Variants in HTR1D observed in about 807,000 individuals in gnomAD.
The protein encoded by HTR1D is 5-hydroxytryptamine receptor 1D.
A neutral mutation model predicts 21.1 loss-of-function variants in HTR1D; 18 were observed. The ratio of observed to expected loss-of-function variants is 0.85; its 90% CI spans 0.59 to 1.27. The LOEUF is 1.27. HTR1D is among the 50% of genes most tolerant of loss of function. HTR1D has a pLI of 0.00. For synonymous variants in HTR1D, 196 were observed against 204.4 expected (o/e 0.96, Z 0.35); for missense variants, 456 against 481.4 (o/e 0.95, Z 0.49).
intron 1 of HTR1D, among the ~76,000 whole-genome samples, chr1:23,215,562 A>G (rs940890485): frequency 6.6e-6 from 1 of 152,252 alleles, no homozygotes; most frequent in East Asian, 1.9e-4. Context: ...TGGGAACTCC[A>G]TACTCTGAGA....
At position 23,194,170 on chromosome 1, in the gene HTR1D, T is replaced by C. The variant is rs751782598; in HGVS notation, c.50A>G (p.Asn17Ser). 2.5e-6 allele frequency: 4 copies of C among 1,614,044 alleles called. No individual in the cohort carries two copies. In the South Asian group the frequency reaches 3.3e-5, roughly 13 times the overall value. The change falls in exon 2 of 2, where the codon AAC becomes AGC. Residue 17 changes from asparagine to serine, a missense_variant. Physicochemically the swap from Asn to Ser is conservative, Grantham distance 46. Coordinates refer to ENST00000374619, the MANE Select transcript of HTR1D (RefSeq NM_000864.5). Reference protein sequence around the residue: ...SAEGLPQEASNRSLNATETSE... With the variant: ...SAEGLPQEASSRSLNATETSE... ...GGTTTCTGTGGCATTCAGGGATCTG[T>C]TGGAGGCCTCCTGGGGAAGGCCTTC...
chr1:23,197,704 A>C (rs1432060181), intron 1 of HTR1D, among the ~76,000 whole-genome samples: 1 of 151,290 alleles, frequency 6.6e-6, no homozygotes, highest in African/African-American at 2.4e-5. Context: ...CCTGGGCGAC[A>C]GAGCAAGACT....
intron 1 of HTR1D, among the ~76,000 whole-genome samples, chr1:23,211,515 A>G (rs1439700893): frequency 6.6e-6 from 1 of 152,214 alleles, no homozygotes; most frequent in Non-Finnish European, 1.5e-5. Flanking sequence ...AAAAACAAGG[A>G]ATTAGCAAGT....
chr1:23,201,208 G>A (rs1644708105), intron 1 of HTR1D, among the ~76,000 whole-genome samples: 4 of 152,168 alleles, frequency 2.6e-5, no homozygotes, highest in African/African-American at 9.7e-5. Context: ...TAAATCTGCA[G>A]GCCAAGGGTC....
chr1:23,216,249 G>A (rs191499685), intron 1 of HTR1D, among the ~76,000 whole-genome samples: 1 of 152,368 alleles, frequency 6.6e-6, no homozygotes, highest in African/African-American at 2.4e-5. Context: ...TGGAGGGGTT[G>A]CTGCTGCTGC....
rs991907268 is a variant in HTR1D at position 23,217,500 on chromosome 1, T to C, written c.-992A>G. Among the ~76,000 whole-genome samples, 30 of 151,812 alleles carry C rather than the reference T, an allele frequency of 2.0e-4. No homozygotes were observed. The highest frequency in any genetic ancestry group is 7.2e-4 in the African/African-American group (30 of 41,390). The stretch of plus-strand genomic sequence containing the variant: ...TCTCCCAGAGCCCTGCGGCTCCTTC[T>C]CCGCGCTCCCCTTCCCGCGCCCGCC... On this transcript the variant is annotated 5_prime_UTR_variant, in exon 1 of 2. Coordinates refer to ENST00000374619, the MANE Select transcript of HTR1D (RefSeq NM_000864.5). The surrounding 1 kb of genome is among the most constrained non-coding windows in gnomAD (Gnocchi z 4.6).
In HTR1D at chr1:23,194,248, T is replaced by G. The variant is rs1381474517; in HGVS notation, c.-29A>C. 2 of 1,586,964 alleles carry G rather than the reference T, an allele frequency of 1.3e-6. No homozygotes were observed. The highest frequency in any genetic ancestry group is 4.5e-5 in the East Asian group (2 of 44,728). On this transcript the variant is annotated 5_prime_UTR_variant, in exon 2 of 2. Transcript: ENST00000374619. Reference sequence around the variant, plus strand: ...AGGTGGCTCTCTCTTCCCACAGACCTCCACACATTTGGCTCCTTCCTTCAA... The same window carrying G: ...AGGTGGCTCTCTCTTCCCACAGACCGCCACACATTTGGCTCCTTCCTTCAA...
intron 1 of HTR1D, among the ~76,000 whole-genome samples, chr1:23,203,021 T>G (rs936404916): frequency 2.6e-5 from 4 of 152,064 alleles, no homozygotes; most frequent in African/African-American, 9.7e-5. Flanking sequence ...TTCAGGCGAT[T>G]CTCCTGTCTC....
At chr1:23,207,327 T>C (rs1205334167) in intron 1 of HTR1D, among the ~76,000 whole-genome samples, 12 of 152,188 alleles carry the variant, frequency 7.9e-5, no homozygotes, top group African/African-American at 2.9e-4. Context: ...GAGAATCGCT[T>C]GAACCCAGGA....
intron 1 of HTR1D, among the ~76,000 whole-genome samples, chr1:23,199,776 G>A (rs947087367): frequency 4.6e-5 from 7 of 151,940 alleles, no homozygotes; most frequent in Admixed American, 3.3e-4. Context: ...GCAAATCTTC[G>A]CTCACTGCAG....
At chr1:23,207,419 A>T (rs1172197628) in intron 1 of HTR1D, among the ~76,000 whole-genome samples, 1 of 152,170 alleles carries the variant, frequency 6.6e-6, no homozygotes, top group Non-Finnish European at 1.5e-5. Flanking sequence ...AAGAAAAAAA[A>T]AAAATCTGTT....
At chr1:23,204,922 A>G (rs547840846) in intron 1 of HTR1D, among the ~76,000 whole-genome samples, 62 of 152,328 alleles carry the variant, frequency 4.1e-4, no homozygotes, top group African/African-American at 1.4e-3. Flanking sequence ...AGAAGTCATT[A>G]TACAAAAAAG....
At position 23,208,992 on chromosome 1, in the gene HTR1D, T is replaced by G. The variant is rs1644742860; in HGVS notation, c.-783+8299A>C. Among the ~76,000 whole-genome samples, 2 of 138,078 alleles carry G rather than the reference T, an allele frequency of 1.4e-5. 1 individual carries two copies. Among genetic ancestry groups the G allele is most frequent in the South Asian group, 4.7e-4 (2 of 4,260 alleles). The allele number at this position is 138,078 out of a possible 152,430, so 90.6% of individuals were successfully genotyped here. The stretch of plus-strand genomic sequence containing the variant: ...AGTAGGTTAATAGAATATATAAAAT[T>G]TTCACTTTTTTTTTTTTTTTTTTGA... On this transcript the variant is annotated intron_variant, in intron 1 of 1. Transcript: ENST00000374619.
At chr1:23,210,672 G>A (rs1279310691) in intron 1 of HTR1D, among the ~76,000 whole-genome samples, 1 of 152,000 alleles carries the variant, frequency 6.6e-6, no homozygotes, top group Non-Finnish European at 1.5e-5. Flanking sequence ...AGATGAAAGA[G>A]AGAAGGCTCT....
In HTR1D at chr1:23,193,950, C is replaced by T; in HGVS notation, c.270G>A (p.Leu90=). 1 of 1,614,128 alleles carries T rather than the reference C, an allele frequency of 6.2e-7. No individual in the cohort carries two copies. The highest frequency in any genetic ancestry group is 1.3e-5 in the African/African-American group (1 of 75,018). ...TATAGGCGATGCTGATGGGCATTAC[C>T]AAGATGGAAACCAAGAGGTCGGTGG... The part of the protein sequence containing the change: ...LATTDLLVSI[L]VMPISIAYTI... Residue 90 remains leucine, a synonymous_variant, in exon 2 of 2, where the codon TTG becomes TTA. Coordinates refer to ENST00000374619, the MANE Select transcript of HTR1D (RefSeq NM_000864.5).
In HTR1D at chr1:23,192,543, T is replaced by G. The variant is rs1272227573; in HGVS notation, c.*543A>C. On this transcript the variant is annotated 3_prime_UTR_variant, in exon 2 of 2. Transcript: ENST00000374619. Reference sequence around the variant, plus strand: ...CACACTTCTTCCAACAAAGAGGAACTGTGAAAACATTATGTTGGCCAGGCA... The same window carrying G: ...CACACTTCTTCCAACAAAGAGGAACGGTGAAAACATTATGTTGGCCAGGCA... The G allele has an allele frequency of 2.0e-5, 3 of 152,716 alleles. No individual in the cohort carries two copies. Among genetic ancestry groups the G allele is most frequent in the Non-Finnish European group, 4.4e-5 (3 of 68,138 alleles). 9.5% of individuals were successfully genotyped at this position (152,716 alleles called of 1,614,324 possible). A position where few individuals can be genotyped will look rare whatever the true frequency, so the allele number is the denominator to read the frequency against.
chr1:23,217,295 T>TGCCCGGCGGGCAGGTGCGCAC lies in HTR1D; in HGVS notation c.-808_-788dup, dbSNP rs1438935577. ...GACGCGGCCCCGAGAGCTTACCCGC[T>TGCCCGGCGGGCAGGTGCGCAC]GCCCGGCGGGCAGGTGCGCACACCC... is the stretch of plus-strand genomic sequence containing the variant. On this transcript the variant is annotated 5_prime_UTR_variant, in exon 1 of 2. Coordinates refer to ENST00000374619, the MANE Select transcript of HTR1D (RefSeq NM_000864.5). This position sits in a 1 kb window ranked among gnomAD's most constrained non-coding sequence, Gnocchi z 4.6. Among the ~76,000 whole-genome samples the TGCCCGGCGGGCAGGTGCGCAC allele has an allele frequency of 2.0e-5, 3 of 151,188 alleles. No homozygotes were observed.
intron 1 of HTR1D, among the ~76,000 whole-genome samples, chr1:23,211,179 T>C (rs528674098): frequency 6.6e-6 from 1 of 152,152 alleles, no homozygotes; most frequent in East Asian, 1.9e-4. Flanking sequence ...TTTGTGACCT[T>C]AGGCAAGTTA....
At chr1:23,213,636 T>C (rs960295074) in intron 1 of HTR1D, among the ~76,000 whole-genome samples, 1 of 152,248 alleles carries the variant, frequency 6.6e-6, no homozygotes, top group African/African-American at 2.4e-5. Context: ...ATTCATGTCT[T>C]AGTTCAGGCT....
Sources: allele counts gnomAD v4.1 joint callset (sites outside exome capture counted in the v4.1 genomes callset), GRCh38; gene constraint gnomAD v4.1.1; non-coding constraint Gnocchi (gnomAD v3.1); transcripts MANE v1.5; gene names NCBI Gene and HGNC (gene_info 2026-07-23, HGNC 2026-07-21).